Variants in SLC22A4 observed in about 807,000 individuals in gnomAD.
SLC22A4 encodes the protein solute carrier family 22 member 4.
Under a neutral mutation model 56.6 loss-of-function variants are expected in SLC22A4, and 39 were observed. The ratio of observed to expected loss-of-function variants is 0.69; its 90% CI spans 0.53 to 0.90. The LOEUF is 0.90. Ranked by LOEUF, SLC22A4 falls within the 40% of genes least tolerant of loss-of-function variation. The pLI, the probability that SLC22A4 is intolerant of heterozygous loss-of-function variation, is 0.00. For missense variants in SLC22A4, 594 were observed against 696.5 expected (o/e 0.85, Z 1.66); for synonymous variants, 241 against 281.4 (o/e 0.86, Z 1.44).
intron 3 of SLC22A4, among the ~76,000 whole-genome samples, chr5:132,320,680 T>C (rs901893379): frequency 7.9e-5 from 12 of 151,714 alleles, no homozygotes; most frequent in African/African-American, 2.7e-4. Context: ...GGGGAATGAG[T>C]GGGGTGGGAT....
At chr5:132,316,409 C>T (rs902494034) in intron 3 of SLC22A4, among the ~76,000 whole-genome samples, 3 of 152,182 alleles carry the variant, frequency 2.0e-5, no homozygotes, top group Non-Finnish European at 2.9e-5. Context: ...ACCCTACCCA[C>T]GTTCCAGCTC....
At position 132,294,570 on chromosome 5, in the gene SLC22A4, C is replaced by T; in HGVS notation, c.-47C>T. 6.2e-7 allele frequency: 1 copy of T among 1,613,610 alleles called. No individual in the cohort carries two copies. Among genetic ancestry groups the T allele is most frequent in the South Asian group, 1.1e-5 (1 of 91,070 alleles). ...CAGCTACAAGACACTGTCCTGAGAA[C>T]GCTGTCATCACCCGTAGTTGCAAGT... On this transcript the variant is annotated 5_prime_UTR_variant, in exon 1 of 10. It adds an upstream start codon to the 5' untranslated region. Coordinates refer to ENST00000200652, the MANE Select transcript of SLC22A4 (RefSeq NM_003059.3). This position sits in a 1 kb window ranked among gnomAD's most constrained non-coding sequence, Gnocchi z 5.6.
At chr5:132,312,336 GA>G in intron 2 of SLC22A4, 72 bp downstream of exon 2, 1 of 974,192 alleles carries the variant, frequency 1.0e-6, no homozygotes. Flanking sequence ...GGGCTGGACT[GA>G]ATTCAGGGTA....
intron 5 of SLC22A4, among the ~76,000 whole-genome samples, chr5:132,328,279 G>C (rs1340096472): frequency 1.3e-5 from 2 of 152,108 alleles, no homozygotes; most frequent in African/African-American, 4.8e-5. Flanking sequence ...GTCTGCTCAG[G>C]ACACCTAAAA....
intron 1 of SLC22A4, chr5:132,311,872 T>C (rs1750189286): frequency 2.0e-6 from 1 of 500,302 alleles, no homozygotes; most frequent in Admixed American, 3.2e-5. Context: ...TGGCCTTGGC[T>C]GGCTTCTTGC....
At chr5:132,306,419 ATATATATATATATATATATATATAGTT>A (rs1484638554) in intron 1 of SLC22A4, among the ~76,000 whole-genome samples, 6 of 75,164 alleles carry the variant, frequency 8.0e-5, no homozygotes, top group African/African-American at 3.1e-4. Flanking sequence ...ATATATATAT[ATATATATATATATATATATATATAGTT>A]GTTGTTGTTG....
chr5:132,343,499 A>C (rs1751280995), intron 9 of SLC22A4, among the ~76,000 whole-genome samples: 1 of 152,154 alleles, frequency 6.6e-6, no homozygotes, highest in African/African-American at 2.4e-5. Context: ...ATTGCCAAGA[A>C]TTTCATGCCT....
chr5:132,296,732 C>G (rs1749787112), intron 1 of SLC22A4, among the ~76,000 whole-genome samples: 2 of 152,226 alleles, frequency 1.3e-5, no homozygotes, highest in Non-Finnish European at 2.9e-5. Context: ...CGCGTCGATT[C>G]CTGGAAGTGT....
chr5:132,324,564 C>G (rs1241612787), intron 4 of SLC22A4: 2 of 470,934 alleles, frequency 4.2e-6, no homozygotes, highest in Non-Finnish European at 8.8e-6. Flanking sequence ...GCTGAGTGCT[C>G]CCCCTGAACA....
intron 8 of SLC22A4, among the ~76,000 whole-genome samples, chr5:132,336,525 A>G (rs1382640607): frequency 2.6e-5 from 4 of 152,204 alleles, no homozygotes; most frequent in African/African-American, 9.7e-5. Context: ...ACTCTGTCTC[A>G]AAAATAAATA....
At chr5:132,336,958 T>A (rs1751041763) in intron 8 of SLC22A4, among the ~76,000 whole-genome samples, 1 of 152,226 alleles carries the variant, frequency 6.6e-6, no homozygotes, top group Non-Finnish European at 1.5e-5. Context: ...AATCTTACTT[T>A]TATACTGAAA....
chr5:132,324,977 T>C (rs920215772), intron 4 of SLC22A4, among the ~76,000 whole-genome samples: 1 of 152,174 alleles, frequency 6.6e-6, no homozygotes, highest in African/African-American at 2.4e-5. Flanking sequence ...TTTGGGGGAC[T>C]TTTTATGTCC....
At chr5:132,315,261 A>G (rs781455350) in intron 3 of SLC22A4, among the ~76,000 whole-genome samples, 1 of 151,986 alleles carries the variant, frequency 6.6e-6, no homozygotes, top group Non-Finnish European at 1.5e-5. Context: ...GGCCTCCCCA[A>G]AACGGAGGAC....
chr5:132,344,027 A>G lies in SLC22A4; in HGVS notation c.*192A>G. On this transcript the variant is annotated 3_prime_UTR_variant, in exon 10 of 10. Coordinates refer to ENST00000200652, the MANE Select transcript of SLC22A4 (RefSeq NM_003059.3). The stretch of plus-strand genomic sequence containing the variant: ...AATGTCCTTGCTTTACAAACCAACC[A>G]TTTCTAGAGAGTCTCCTTACTCATT... The G allele has an allele frequency of 5.3e-6, 3 of 569,202 alleles. No individual in the cohort carries two copies. Among genetic ancestry groups the G allele is most frequent in the Non-Finnish European group, 9.4e-6 (3 of 317,688 alleles). 35.3% of individuals were successfully genotyped at this position (569,202 alleles called of 1,614,324 possible).
intron 3 of SLC22A4, among the ~76,000 whole-genome samples, chr5:132,319,721 T>C (rs975724800): frequency 6.6e-6 from 1 of 152,150 alleles, no homozygotes. Flanking sequence ...GCCTCCCGAA[T>C]AGGTGGGATT....
intron 8 of SLC22A4, among the ~76,000 whole-genome samples, chr5:132,339,974 A>C (rs781677605): frequency 2.6e-5 from 4 of 152,168 alleles, no homozygotes; most frequent in Non-Finnish European, 4.4e-5. Flanking sequence ...TCCAAAAAGA[A>C]GCCAAATCCA....
intron 1 of SLC22A4, among the ~76,000 whole-genome samples, chr5:132,309,025 G>A (rs3805665): frequency 0.073 from 11,104 of 152,254 alleles, 540 homozygotes; most frequent in East Asian, 0.27. Flanking sequence ...CACTGGGCCC[G>A]CCATGTCACT....
chr5:132,323,081 G>A (rs1182397908), intron 4 of SLC22A4, among the ~76,000 whole-genome samples: 1 of 152,196 alleles, frequency 6.6e-6, no homozygotes, highest in Admixed American at 6.5e-5. Flanking sequence ...TTAAGCAAGA[G>A]AAAAGGAGAT....
At chr5:132,308,826 A>G (rs1318404965) in intron 1 of SLC22A4, among the ~76,000 whole-genome samples, 7 of 152,152 alleles carry the variant, frequency 4.6e-5, no homozygotes, top group Admixed American at 2.0e-4. Context: ...GAGGTAAGCT[A>G]TGTTTCAGAA....
Sources: allele counts gnomAD v4.1 joint callset (sites outside exome capture counted in the v4.1 genomes callset), GRCh38; gene constraint gnomAD v4.1.1; non-coding constraint Gnocchi (gnomAD v3.1); transcripts MANE v1.5; gene names NCBI Gene and HGNC (gene_info 2026-07-23, HGNC 2026-07-21).